FHIT: variants seen among roughly 807,000 people sequenced by gnomAD.
FHIT encodes the protein fragile histidine triad diadenosine triphosphatase, also known as bis(5'-adenosyl)-triphosphatase.
In FHIT, 19 loss-of-function variants were observed where a neutral mutation model predicts 17.9. The ratio of observed to expected loss-of-function variants is 1.06; its 90% CI spans 0.74 to 1.56. The LOEUF is 1.56. FHIT is among the 40% of genes most tolerant of loss of function. The pLI is 0.00. For missense variants in FHIT, 248 were observed against 189.2 expected, an observed-to-expected ratio of 1.31 and a Z score of -1.82; for synonymous variants, 81 against 69.7, an observed-to-expected ratio of 1.16 and a Z score of -0.81.
intron 5 of FHIT, among the ~76,000 whole-genome samples, chr3:60,307,000 G>A (rs1392005762): frequency 6.6e-6 from 1 of 152,130 alleles, no homozygotes; most frequent in Non-Finnish European, 1.5e-5. Context: ...GAAGGCAGAG[G>A]TAGTTATTTC....
intron 8 of FHIT, among the ~76,000 whole-genome samples, chr3:59,789,404 C>T (rs951496026): frequency 6.6e-6 from 1 of 152,180 alleles, no homozygotes; most frequent in Non-Finnish European, 1.5e-5. Context: ...CTCATTTAAT[C>T]ATTTAGTTGA....
At chr3:60,831,645 A>G (rs1292797370) in intron 3 of FHIT, among the ~76,000 whole-genome samples, 6 of 152,208 alleles carry the variant, frequency 3.9e-5, no homozygotes, top group African/African-American at 1.4e-4. Context: ...TAATTATGGA[A>G]CACTTAGTAT....
chr3:60,605,977 T>C (rs533489848), intron 4 of FHIT, among the ~76,000 whole-genome samples: 6 of 152,310 alleles, frequency 3.9e-5, no homozygotes, highest in African/African-American at 1.4e-4. Flanking sequence ...AAAGAGAAGC[T>C]GATCATAGAC....
chr3:61,060,205 T>G (rs1324856989), intron 2 of FHIT, among the ~76,000 whole-genome samples: 1 of 152,226 alleles, frequency 6.6e-6, no homozygotes, highest in African/African-American at 2.4e-5. Context: ...TTCAAAGTGT[T>G]TTGGTCTATT....
chr3:61,099,217 A>G (rs2035741565), intron 2 of FHIT, among the ~76,000 whole-genome samples: 1 of 152,198 alleles, frequency 6.6e-6, no homozygotes, highest in Non-Finnish European at 1.5e-5. Context: ...TGTGATGAAT[A>G]ACATTTATGG....
chr3:61,161,438 G>A (rs1190015802), intron 2 of FHIT, among the ~76,000 whole-genome samples: 5 of 152,080 alleles, frequency 3.3e-5, no homozygotes, highest in African/African-American at 4.8e-5. Context: ...TCCTGATTTC[G>A]TGATCCGCCC....
chr3:59,810,728 T>A (rs1700379834), intron 8 of FHIT, among the ~76,000 whole-genome samples: 1 of 152,180 alleles, frequency 6.6e-6, no homozygotes, highest in Non-Finnish European at 1.5e-5. Flanking sequence ...CCCTCCAAAG[T>A]ACACTGAAAA....
chr3:61,137,581 A>G (rs1435457204), intron 2 of FHIT, among the ~76,000 whole-genome samples: 2 of 152,230 alleles, frequency 1.3e-5, no homozygotes, highest in African/African-American at 4.8e-5. Flanking sequence ...ACCTGGGGCT[A>G]CAAAGGCCAG....
intron 5 of FHIT, among the ~76,000 whole-genome samples, chr3:60,426,409 C>T (rs1326533478): frequency 1.3e-5 from 2 of 152,050 alleles, no homozygotes; most frequent in African/African-American, 2.4e-5. Context: ...CCCACGAATT[C>T]CCTCCCTACT....
intron 4 of FHIT, among the ~76,000 whole-genome samples, chr3:60,642,869 C>T (rs954666344): frequency 2.0e-5 from 3 of 152,150 alleles, no homozygotes; most frequent in African/African-American, 7.2e-5. Context: ...ACTCCTATTC[C>T]TATCTTAGCT....
chr3:60,415,916 CAT>C (rs35167546), intron 5 of FHIT, among the ~76,000 whole-genome samples: 104,574 of 147,424 alleles, frequency 0.71, 37,318 homozygotes, highest in Non-Finnish European at 0.74. Flanking sequence ...TTATATATAA[CAT>C]ATTAATTCCA....
intron 4 of FHIT, chr3:60,617,159 T>A: frequency 4.6e-6 from 1 of 215,066 alleles, no homozygotes. Flanking sequence ...ATTGTTAGCA[T>A]CATATCAAAA....
At chr3:60,785,378 G>A (rs781805357) in intron 4 of FHIT, among the ~76,000 whole-genome samples, 8 of 152,114 alleles carry the variant, frequency 5.3e-5, no homozygotes, top group Non-Finnish European at 8.8e-5. Flanking sequence ...TCTGCAGACC[G>A]GTGGAAGTCC....
chr3:61,008,492 T>G (rs1424306589), intron 3 of FHIT, among the ~76,000 whole-genome samples: 2 of 151,066 alleles, frequency 1.3e-5, no homozygotes, highest in Admixed American at 1.3e-4. Context: ...AAAAAAAAAA[T>G]GACAAGCGAA....
chr3:61,012,424 A>G (rs918640613), intron 3 of FHIT, among the ~76,000 whole-genome samples: 9 of 152,152 alleles, frequency 5.9e-5, no homozygotes, highest in Admixed American at 2.6e-4. Context: ...AGAAATTACT[A>G]TATGATTTTT....
intron 8 of FHIT, among the ~76,000 whole-genome samples, chr3:59,803,870 C>T (rs946289163): frequency 6.6e-6 from 1 of 152,086 alleles, no homozygotes; most frequent in African/African-American, 2.4e-5. Flanking sequence ...AAACCCTGAA[C>T]ATCCGGGGCA....
intron 8 of FHIT, among the ~76,000 whole-genome samples, chr3:59,797,807 A>G (rs752100764): frequency 6.6e-5 from 10 of 152,230 alleles, no homozygotes; most frequent in Non-Finnish European, 1.5e-4. Flanking sequence ...TGAAATTAAT[A>G]TGATAGCATT....
At chr3:60,375,816 C>G (rs1002541176) in intron 5 of FHIT, among the ~76,000 whole-genome samples, 1 of 152,000 alleles carries the variant, frequency 6.6e-6, no homozygotes, top group African/African-American at 2.4e-5. Context: ...TTCCCAGATC[C>G]TATAGATGCA....
chr3:60,421,874 C>T (rs1487839843), intron 5 of FHIT, among the ~76,000 whole-genome samples: 1 of 152,048 alleles, frequency 6.6e-6, no homozygotes, highest in African/African-American at 2.4e-5. Context: ...AAAATGCATA[C>T]TTCCAACGGA....
Sources: gnomAD v4.1 joint callset for allele counts (sites outside exome capture counted in the v4.1 genomes callset) on GRCh38, gnomAD v4.1.1 for gene constraint, MANE v1.5 for transcripts, NCBI Gene and HGNC (gene_info 2026-07-23, HGNC 2026-07-21) for gene names.